The following C2CD3 variants were observed in gnomAD, a reference collection of about 807,000 sequenced individuals.
The protein encoded by C2CD3 is C2 domain-containing protein 3.
C2CD3 carries 148 observed loss-of-function variants against 234.0 expected under a neutral mutation model. The ratio of observed to expected loss-of-function variants is 0.63; its 90% CI spans 0.55 to 0.72. The LOEUF is 0.72. Among genes scored for constraint, C2CD3 ranks in the 30% least tolerant of loss-of-function variants. C2CD3 has a pLI of 0.00. For synonymous variants in C2CD3, 1,000 were observed against 1,035.4 expected, an observed-to-expected ratio of 0.97 and a Z score of 0.66; for missense variants, 2,577 against 2,811.5, an observed-to-expected ratio of 0.92 and a Z score of 1.89.
chr11:74,156,085 CCAACA>C (rs1365896126), intron 3 of C2CD3, among the ~76,000 whole-genome samples: 2 of 151,926 alleles, frequency 1.3e-5, no homozygotes, highest in Admixed American at 1.3e-4. Flanking sequence ...ACCATCCTGA[CCAACA>C]CAGCAAAACC....
In C2CD3 at chr11:74,057,480, A is replaced by G; in HGVS notation, c.5016T>C (p.Asp1672=). 6.2e-7 allele frequency: 1 copy of G among 1,614,130 alleles called. No homozygotes were observed. Among genetic ancestry groups the G allele is most frequent in the Non-Finnish European group, 8.5e-7 (1 of 1,179,970 alleles). The change falls in exon 25 of 33, where the codon GAT becomes GAC. Residue 1672 remains aspartate (D), a synonymous_variant. Transcript: ENST00000334126. ...PSCCVSFATA[D]ESSPVYTQVV... is the part of the protein sequence containing the mutation. ...CTTGGGTGTATACAGGAGATGACTC[A>G]TCGGCTGTTGCAAAGGATACACAAC...
intron 11 of C2CD3, among the ~76,000 whole-genome samples, chr11:74,110,895 T>C (rs913801655): frequency 6.6e-6 from 1 of 152,198 alleles, no homozygotes; most frequent in Non-Finnish European, 1.5e-5. Flanking sequence ...GAAAGTGATT[T>C]TGCCTAAGGC....
intron 2 of C2CD3, among the ~76,000 whole-genome samples, chr11:74,161,910 G>T (rs955242485): frequency 6.6e-6 from 1 of 151,020 alleles, no homozygotes; most frequent in Non-Finnish European, 1.5e-5. Flanking sequence ...CGAACTCCAG[G>T]ACTCAAGTGA....
At chr11:74,083,511 C>A (rs1353700509) in intron 22 of C2CD3, among the ~76,000 whole-genome samples, 1 of 152,136 alleles carries the variant, frequency 6.6e-6, no homozygotes, top group African/African-American at 2.4e-5. Context: ...AGGCAACCTA[C>A]AGAATGGAAG....
At chr11:74,068,623 GC>G (rs1954648643) in intron 24 of C2CD3, among the ~76,000 whole-genome samples, 1 of 152,096 alleles carries the variant, frequency 6.6e-6, no homozygotes, top group Admixed American at 6.5e-5. Context: ...AATGTAGTCT[GC>G]CATTGCTTTA....
At chr11:74,150,896 C>T (rs574462210) in intron 3 of C2CD3, among the ~76,000 whole-genome samples, 1 of 151,964 alleles carries the variant, frequency 6.6e-6, no homozygotes, top group Admixed American at 6.6e-5. Context: ...AAACGAGTTC[C>T]ACAGGAGACT....
At position 74,034,454 on chromosome 11, in the gene C2CD3, T is replaced by C. The variant is rs1952641447; in HGVS notation, c.5882-176A>G. 2.6e-6 allele frequency: 4 copies of C among 1,544,920 alleles called. No homozygotes were observed. The South Asian group carries it at 4.8e-5, about 19-fold the overall frequency. ...ATATTCAAGGCGGTACAATTTTTAGTACTTTATTCTAATATCAGAGGACCA... is the reference window on the plus strand; with the variant it reads ...ATATTCAAGGCGGTACAATTTTTAGCACTTTATTCTAATATCAGAGGACCA... On this transcript the variant is annotated intron_variant, in intron 30 of 32. Coordinates refer to ENST00000334126, the MANE Select transcript of C2CD3 (RefSeq NM_001286577.2).
intron 2 of C2CD3, among the ~76,000 whole-genome samples, chr11:74,162,908 T>A (rs1856567164): frequency 6.6e-6 from 1 of 152,132 alleles, no homozygotes; most frequent in South Asian, 2.1e-4. Context: ...AATTGCATAC[T>A]CTTGGGTTAT....
intron 28 of C2CD3, among the ~76,000 whole-genome samples, 199 bp from the exon 29 acceptor site, chr11:74,042,417 C>G (rs533940408): frequency 1.3e-5 from 2 of 152,020 alleles, no homozygotes; most frequent in East Asian, 1.9e-4. Context: ...TTGCCTACCC[C>G]CTTTTAACTC....
intron 26 of C2CD3, among the ~76,000 whole-genome samples, chr11:74,052,959 C>G (rs1953764526): frequency 6.6e-6 from 1 of 152,188 alleles, no homozygotes; most frequent in Admixed American, 6.5e-5. Context: ...CAGGGCCTAG[C>G]TGGAATCTTA....
chr11:74,139,463 T>C (rs549213605), intron 4 of C2CD3, 142 bp downstream of exon 4: 1 of 714,720 alleles, frequency 1.4e-6, no homozygotes, highest in East Asian at 2.5e-5. Flanking sequence ...AGGACCAGAG[T>C]GGGTGCTTCA....
rs1857177541 is a variant in C2CD3, at chr11:74,170,974, G to T, written c.-182C>A. ...CCGGAAAACGGTGCGAAGAGAAGGC[G>T]CCAAGACGCCTTCCCTCCAATACAC... On this transcript the variant is annotated 5_prime_UTR_variant, in exon 1 of 33. Coordinates refer to ENST00000334126, the MANE Select transcript of C2CD3 (RefSeq NM_001286577.2). 7.3e-7 allele frequency: 1 copy of T among 1,365,066 alleles called. No homozygotes were observed. The highest frequency in any genetic ancestry group is 2.4e-5 in the Admixed American group (1 of 41,310). 84.6% of individuals were successfully genotyped at this position (1,365,066 alleles called of 1,614,324 possible). A position where few individuals can be genotyped will look rare whatever the true frequency, so the allele number is the denominator to read the frequency against.
intron 29 of C2CD3, among the ~76,000 whole-genome samples, chr11:74,040,473 T>C (rs985103340): frequency 1.3e-4 from 20 of 152,234 alleles, no homozygotes; most frequent in African/African-American, 3.9e-4. Context: ...TTTTTTTTTT[T>C]CAAATATAAA....
At chr11:74,062,628 T>C (rs898473669) in intron 24 of C2CD3, among the ~76,000 whole-genome samples, 4 of 152,074 alleles carry the variant, frequency 2.6e-5, no homozygotes, top group Admixed American at 1.3e-4. Context: ...TAAAGCAGTG[T>C]GTAGAGGGAA....
In C2CD3 at chr11:74,100,626, A is replaced by G. The variant is rs1227594915; in HGVS notation, c.2631T>C (p.Asn877=). 2.5e-6 allele frequency: 4 copies of G among 1,613,990 alleles called. No individual in the cohort carries two copies. The highest frequency in any genetic ancestry group is 1.7e-5 in the Admixed American group (1 of 60,012). ...SSKYLERLKN[N]VMVIETWNKV... ...TATTCCAAGTTTCAATTACCATCAC[A>G]TTGTTCTTAAGCCTTTCCAGGTATT... Residue 877 remains asparagine, a synonymous_variant, in exon 15 of 33, where the codon AAT becomes AAC. Coordinates refer to ENST00000334126, the MANE Select transcript of C2CD3 (RefSeq NM_001286577.2).
intron 5 of C2CD3, among the ~76,000 whole-genome samples, chr11:74,135,277 T>G (rs1038728552): frequency 1.3e-5 from 2 of 152,006 alleles, no homozygotes; most frequent in Admixed American, 6.6e-5. Context: ...AACTTTTTTT[T>G]TTTTTTTTGA....
intron 28 of C2CD3, among the ~76,000 whole-genome samples, chr11:74,043,343 T>C (rs1247526464): frequency 6.6e-6 from 1 of 152,238 alleles, no homozygotes; most frequent in African/African-American, 2.4e-5. Context: ...TACAGCTGAA[T>C]AATATTCTGT....
At chr11:74,093,043 C>G (rs76946904) in intron 18 of C2CD3, among the ~76,000 whole-genome samples, 4,378 of 152,216 alleles carry the variant, frequency 0.029, 201 homozygotes, top group African/African-American at 0.099. Context: ...AAAGTTGTAA[C>G]TCAAACCTAG....
chr11:74,121,239 T>G (rs1454136895), intron 8 of C2CD3, among the ~76,000 whole-genome samples: 4 of 152,312 alleles, frequency 2.6e-5, no homozygotes, highest in African/African-American at 4.8e-5. Flanking sequence ...TTATTTGTAC[T>G]TAACCTCTTT....
Sources: allele counts gnomAD v4.1 joint callset (sites outside exome capture counted in the v4.1 genomes callset), GRCh38; gene constraint gnomAD v4.1.1; transcripts MANE v1.5; gene names NCBI Gene and HGNC (gene_info 2026-07-23, HGNC 2026-07-21).